FAIM: variants seen among roughly 807,000 people sequenced by gnomAD.
FAIM encodes the protein fas apoptotic inhibitory molecule 1.
Under a neutral mutation model 21.2 loss-of-function variants are expected in FAIM, and 14 were observed. The observed-to-expected ratio is 0.66, with a 90% CI of 0.44 to 1.03. FAIM has a LOEUF of 1.03. Among genes scored for constraint, FAIM ranks in the 50% least tolerant of loss-of-function variants. The pLI is 0.00. For missense variants in FAIM, 222 were observed against 247.1 expected (o/e 0.90, Z 0.68); for synonymous variants, 86 against 80.4 (o/e 1.07, Z -0.37).
intron 1 of FAIM, among the ~76,000 whole-genome samples, chr3:138,615,186 T>A (rs541600150): frequency 1.1e-4 from 16 of 152,336 alleles, no homozygotes; most frequent in African/African-American, 3.4e-4. Flanking sequence ...CTCCTGTAAT[T>A]TTTTGTACTG....
chr3:138,628,776 C>A (rs1280681758), intron 4 of FAIM, among the ~76,000 whole-genome samples: 2 of 152,118 alleles, frequency 1.3e-5, no homozygotes, highest in Non-Finnish European at 2.9e-5. Context: ...AGCCACCGCG[C>A]CCGGCCTGTA....
intron 1 of FAIM, among the ~76,000 whole-genome samples, chr3:138,609,488 T>C (rs1237398373): frequency 5.4e-5 from 8 of 148,438 alleles, no homozygotes; most frequent in Non-Finnish European, 3.0e-5. Flanking sequence ...CCTTGTAACA[T>C]GAGCGGGGCT....
intron 1 of FAIM, among the ~76,000 whole-genome samples, chr3:138,614,006 T>G (rs1034649474): frequency 3.3e-5 from 5 of 152,230 alleles, no homozygotes; most frequent in African/African-American, 1.2e-4. Flanking sequence ...CTCTTGTGTA[T>G]GAAAATCTAG....
At chr3:138,618,076 GC>G (rs1242842342) in intron 1 of FAIM, among the ~76,000 whole-genome samples, 5 of 151,196 alleles carry the variant, frequency 3.3e-5, no homozygotes, top group Non-Finnish European at 7.4e-5. Flanking sequence ...TAACTCCTAG[GC>G]TCAAGCGATC....
intron 5 of FAIM, 37 bp downstream of exon 5, chr3:138,629,193 T>C (rs1374772334): frequency 3.3e-6 from 5 of 1,511,802 alleles, no homozygotes; most frequent in Non-Finnish European, 4.6e-6. Flanking sequence ...GTGCCATGTG[T>C]CTCAGTTACC....
intron 1 of FAIM, among the ~76,000 whole-genome samples, chr3:138,612,679 C>G (rs1216068714): frequency 6.6e-6 from 1 of 152,102 alleles, no homozygotes; most frequent in Non-Finnish European, 1.5e-5. Context: ...GATTTCAAAA[C>G]TTTTTGAGTG....
rs1046776523 is a variant in FAIM, at chr3:138,633,200, A to C, written c.*121A>C. On this transcript the variant is annotated 3_prime_UTR_variant, in exon 6 of 6. Transcript: ENST00000360570. Reference sequence around the variant, plus strand: ...ATGTTTTAATTTTTTAAAAAGTTACATGAAACTAACATTCCAAGGGTCAGG... The same window carrying C: ...ATGTTTTAATTTTTTAAAAAGTTACCTGAAACTAACATTCCAAGGGTCAGG... 3 of 865,716 alleles carry C rather than the reference A, an allele frequency of 3.5e-6. No individual in the cohort carries two copies. In the Admixed American group the frequency reaches 1.1e-4, roughly 32 times the overall value. The allele number at this position is 865,716 out of a possible 1,614,324, so 53.6% of individuals were successfully genotyped here.
At chr3:138,626,154 CAA>C (rs2042937152) in intron 4 of FAIM, among the ~76,000 whole-genome samples, 1 of 152,138 alleles carries the variant, frequency 6.6e-6, no homozygotes, top group African/African-American at 2.4e-5. Context: ...AATCCGCAGG[CAA>C]AGAGGAGATG....
At chr3:138,626,618 T>C (rs971594939) in intron 4 of FAIM, among the ~76,000 whole-genome samples, 2 of 152,222 alleles carry the variant, frequency 1.3e-5, no homozygotes, top group African/African-American at 2.4e-5. Flanking sequence ...CTGTTTCTAA[T>C]CTTTTGCTGT....
rs1182960867 is a variant in FAIM, at chr3:138,632,855, T to C, written c.457-75T>C. On this transcript the variant is annotated intron_variant, in intron 5 of 5. Coordinates refer to ENST00000360570, the MANE Select transcript of FAIM (RefSeq NM_001033031.2). ...ATTATTTTATTGCACTACTAGTACT[T>C]TTAGATGGTGTGAATGCTCTAGACA... 5 of 1,445,274 alleles carry C rather than the reference T, an allele frequency of 3.5e-6. No individual in the cohort carries two copies. In the East Asian group the frequency reaches 1.2e-4, roughly 34 times the overall value. The allele number at this position is 1,445,274 out of a possible 1,614,324, so 89.5% of individuals were successfully genotyped here.
Position 138,633,152 on chromosome 3 carries a change from C to T in FAIM, c.*73C>T. On this transcript the variant is annotated 3_prime_UTR_variant, in exon 6 of 6. Transcript: ENST00000360570. The stretch of plus-strand genomic sequence containing the variant: ...GGTAATTAAATGTGTTCAGTATGTA[C>T]TTATCAGTACATTTAGTCTGCAATG... 7.8e-7 allele frequency: 1 copy of T among 1,286,816 alleles called. No individual in the cohort carries two copies. The highest frequency in any genetic ancestry group is 1.1e-6 in the Non-Finnish European group (1 of 941,702). 79.7% of individuals were successfully genotyped at this position (1,286,816 alleles called of 1,614,324 possible).
chr3:138,628,531 C>T (rs1296255933), intron 4 of FAIM, among the ~76,000 whole-genome samples: 1 of 151,638 alleles, frequency 6.6e-6, no homozygotes, highest in Admixed American at 6.6e-5. Context: ...GTTGCCCAGG[C>T]TAGAGTGCAG....
chr3:138,614,447 CA>C (rs568035922), intron 1 of FAIM, among the ~76,000 whole-genome samples: 69 of 148,944 alleles, frequency 4.6e-4, no homozygotes, highest in African/African-American at 1.5e-3. Context: ...TCTCAAAAAA[CA>C]AAAAAAAAGA....
intron 4 of FAIM, among the ~76,000 whole-genome samples, chr3:138,627,894 A>G (rs1186091737): frequency 2.6e-5 from 4 of 152,178 alleles, no homozygotes; most frequent in African/African-American, 9.7e-5. Flanking sequence ...CCTGGAGCAG[A>G]TGGCCAGGCA....
At chr3:138,630,782 T>C (rs908150406) in intron 5 of FAIM, 96 of 152,272 alleles carry the variant, frequency 6.3e-4, no homozygotes, top group African/African-American at 2.1e-3. Flanking sequence ...GAATTGCATT[T>C]CCTCCCATAT....
chr3:138,622,511 AAAG>A (rs760764767), intron 4 of FAIM, 95 bp downstream of exon 4: 309 of 857,026 alleles, frequency 3.6e-4, no homozygotes, highest in Non-Finnish European at 4.6e-4. Flanking sequence ...GGAGGTTTGA[AAAG>A]AAGAGGGAGT....
At position 138,613,564 on chromosome 3, in the gene FAIM, G is replaced by A. The variant is rs112620594; in HGVS notation, c.-17+4627G>A. 3.5e-3 allele frequency among the ~76,000 whole-genome samples: 530 copies of A among 152,270 alleles called. 2 individuals carry two copies. The highest frequency in any genetic ancestry group is 0.012 in the African/African-American group (507 of 41,546). On this transcript the variant is annotated intron_variant, in intron 1 of 5. Transcript: ENST00000360570. ...GTGGTGCAATCACAGCTCACCTGCA[G>A]CCTTGACCTCTCAGGCTTAAGTGAT...
At chr3:138,623,971 T>C (rs1160442168) in intron 4 of FAIM, among the ~76,000 whole-genome samples, 2 of 152,246 alleles carry the variant, frequency 1.3e-5, no homozygotes, top group Non-Finnish European at 2.9e-5. Context: ...TTGAAACCCT[T>C]ATTCCAGTAG....
At chr3:138,614,191 G>C (rs2042801211) in intron 1 of FAIM, among the ~76,000 whole-genome samples, 1 of 152,226 alleles carries the variant, frequency 6.6e-6, no homozygotes, top group Non-Finnish European at 1.5e-5. Context: ...TGTAATCCCA[G>C]CACTTTGGGT....
Sources: allele counts gnomAD v4.1 joint callset (sites outside exome capture counted in the v4.1 genomes callset), GRCh38; gene constraint gnomAD v4.1.1; transcripts MANE v1.5; gene names NCBI Gene and HGNC (gene_info 2026-07-23, HGNC 2026-07-21).